Variants in LMBRD2 observed in about 807,000 individuals in gnomAD.
The protein encoded by LMBRD2 is G protein-coupled receptor-associated protein LMBRD2.
Under a neutral mutation model 94.4 loss-of-function variants are expected in LMBRD2, and 55 were observed. The ratio of observed to expected loss-of-function variants is 0.58; its 90% CI spans 0.47 to 0.73. The LOEUF (loss-of-function observed/expected upper bound fraction) is 0.73, where lower values mean the gene tolerates loss of function less well. Among genes scored for constraint, LMBRD2 ranks in the 30% least tolerant of loss-of-function variants. The pLI, the probability that LMBRD2 is intolerant of heterozygous loss-of-function variation, is 0.00. For missense variants in LMBRD2, 640 were observed against 831.9 expected (o/e 0.77, Z 2.84); for synonymous variants, 246 against 272.4 (o/e 0.90, Z 0.95).
At chr5:36,112,996 T>C (rs1743648188) in intron 13 of LMBRD2, among the ~76,000 whole-genome samples, 1 of 152,162 alleles carries the variant, frequency 6.6e-6, no homozygotes, top group Admixed American at 6.5e-5. Flanking sequence ...AATATCAGAT[T>C]TGCTATCAGT....
intron 1 of LMBRD2, among the ~76,000 whole-genome samples, chr5:36,148,682 G>A (rs1744613414): frequency 6.6e-6 from 1 of 152,188 alleles, no homozygotes; most frequent in Admixed American, 6.5e-5. Flanking sequence ...AAAAAACAGT[G>A]CAGAGAGGTT....
intron 10 of LMBRD2, among the ~76,000 whole-genome samples, chr5:36,117,041 A>C (rs571428340): frequency 7.2e-5 from 11 of 152,144 alleles, no homozygotes; most frequent in African/African-American, 1.9e-4. Flanking sequence ...AGAATTTTTT[A>C]ATCACCCACT....
intron 7 of LMBRD2, among the ~76,000 whole-genome samples, chr5:36,123,846 T>G (rs1260463436): frequency 6.6e-6 from 1 of 151,756 alleles, no homozygotes; most frequent in African/African-American, 2.4e-5. Context: ...GGCAGCTGAT[T>G]GTAAGATATT....
chr5:36,114,229 A>C (rs1358973472), intron 13 of LMBRD2, among the ~76,000 whole-genome samples, 195 bp downstream of exon 13: 1 of 152,102 alleles, frequency 6.6e-6, no homozygotes, highest in Non-Finnish European at 1.5e-5. Flanking sequence ...TAATAACTCT[A>C]CCTCTTTTTT....
Position 36,137,259 on chromosome 5 carries a change from G to A in LMBRD2, c.536+15C>T, listed in dbSNP as rs1744293384. 1 of 1,509,686 alleles carries A rather than the reference G, an allele frequency of 6.6e-7. No homozygotes were observed. Among genetic ancestry groups the A allele is most frequent in the Non-Finnish European group, 9.0e-7 (1 of 1,106,420 alleles). 93.5% of individuals were successfully genotyped at this position (1,509,686 alleles called of 1,614,324 possible). On this transcript the variant is annotated intron_variant, in intron 5 of 17. Transcript: ENST00000296603. ...ACATACATTAAAGCAATGTTAAGAA[G>A]ACTACTTTTCTTACCATTCTAAATG...
Position 36,117,503 on chromosome 5 carries a change from A to G in LMBRD2, c.1302+232T>C, listed in dbSNP as rs182742900. 2.3e-3 allele frequency among the ~76,000 whole-genome samples: 354 copies of G among 152,190 alleles called. 4 individuals are homozygous for G. Among genetic ancestry groups the G allele is most frequent in the African/African-American group, 8.1e-3 (336 of 41,528 alleles). ...TGCCTCCAAAAAAAACAGAAAGAAAAAAAAAATCTCAGATTTCTGCACTAT... is the reference window on the plus strand; with the variant it reads ...TGCCTCCAAAAAAAACAGAAAGAAAGAAAAAATCTCAGATTTCTGCACTAT... On this transcript the variant is annotated intron_variant, in intron 10 of 17. Coordinates refer to ENST00000296603, the MANE Select transcript of LMBRD2 (RefSeq NM_001007527.2).
chr5:36,116,423 T>A, intron 11 of LMBRD2, 37 bp downstream of exon 11: 2 of 1,588,372 alleles, frequency 1.3e-6, no homozygotes, highest in South Asian at 2.2e-5. Flanking sequence ...CACTCAATGA[T>A]GACATTTCTC....
At chr5:36,145,771 GAAATGCT>G (rs1334400459) in intron 1 of LMBRD2, among the ~76,000 whole-genome samples, 1 of 152,058 alleles carries the variant, frequency 6.6e-6, no homozygotes, top group Non-Finnish European at 1.5e-5. Flanking sequence ...GATTACCAAA[GAAATGCT>G]AAATAAAGCA....
rs550063195 is a variant in LMBRD2, at chr5:36,102,861, T to C, written c.*1185A>G. 1.4e-4 allele frequency: 22 copies of C among 151,822 alleles called. No individual in the cohort carries two copies. Among genetic ancestry groups the C allele is most frequent in the African/African-American group, 4.6e-4 (19 of 41,504 alleles). 9.4% of individuals were successfully genotyped at this position (151,822 alleles called of 1,614,324 possible). A position where few individuals can be genotyped will look rare whatever the true frequency, so the allele number is the denominator to read the frequency against. On this transcript the variant is annotated 3_prime_UTR_variant, in exon 18 of 18. Coordinates refer to ENST00000296603, the MANE Select transcript of LMBRD2 (RefSeq NM_001007527.2). ...TGAAGTATGGTCACCAAATGTAGCA[T>C]GGATTCAGTAAGAGTTGCAAATATT...
rs529503505 is a variant in LMBRD2 at position 36,143,458 on chromosome 5, T to G, written c.-57-52A>C. 4 of 728,700 alleles carry G rather than the reference T, an allele frequency of 5.5e-6. No individual in the cohort carries two copies. In the African/African-American group the frequency reaches 7.3e-5, roughly 13 times the overall value. 45.1% of individuals were successfully genotyped at this position (728,700 alleles called of 1,614,324 possible). On this transcript the variant is annotated intron_variant, in intron 1 of 17. Coordinates refer to ENST00000296603, the MANE Select transcript of LMBRD2 (RefSeq NM_001007527.2). ...GCATCATTAACACAGGAAATGACAT[T>G]TGGAAATTTCATCTGAATATTTATT...
At chr5:36,141,586 T>C in intron 3 of LMBRD2, among the ~76,000 whole-genome samples, 1 of 140,820 alleles carries the variant, frequency 7.1e-6, no homozygotes, top group East Asian at 2.4e-4. Context: ...ATAGGTTGGG[T>C]TTTTTTTTTT....
At chr5:36,142,459 G>A (rs111321322) in intron 3 of LMBRD2, 43 bp downstream of exon 3, 3 of 1,110,150 alleles carry the variant, frequency 2.7e-6, no homozygotes, top group African/African-American at 3.1e-5. Flanking sequence ...TAAACAATGT[G>A]TCCCCTACAA....
At position 36,103,459 on chromosome 5, in the gene LMBRD2, A is replaced by G. The variant is rs1212142725; in HGVS notation, c.*587T>C. On this transcript the variant is annotated 3_prime_UTR_variant, in exon 18 of 18. Transcript: ENST00000296603. ...ACTTGAAGTATAATCTTAATCTTAT[A>G]CATGCAAAAATCCCCCACGAGTTTG... 1.3e-5 allele frequency: 2 copies of G among 152,392 alleles called. No individual in the cohort carries two copies. Among genetic ancestry groups the G allele is most frequent in the Admixed American group, 6.6e-5 (1 of 15,218 alleles). The allele number at this position is 152,392 out of a possible 1,614,324, so 9.4% of individuals were successfully genotyped here. A position where few individuals can be genotyped will look rare whatever the true frequency, so the allele number is the denominator to read the frequency against.
At chr5:36,146,921 C>A (rs1228111245) in intron 1 of LMBRD2, among the ~76,000 whole-genome samples, 1 of 74,948 alleles carries the variant, frequency 1.3e-5, no homozygotes. Flanking sequence ...TCTCTCTCTG[C>A]GTGTGTGTGT....
intron 9 of LMBRD2, among the ~76,000 whole-genome samples, chr5:36,120,884 G>T (rs775304650): frequency 8.6e-5 from 13 of 151,752 alleles, no homozygotes; most frequent in Non-Finnish European, 1.6e-4. Context: ...TATCTCACTG[G>T]CCCCTCCTTT....
At position 36,099,171 on chromosome 5, in the gene LMBRD2, C is replaced by T. The variant is rs1299425732; in HGVS notation, c.*4875G>A. On this transcript the variant is annotated 3_prime_UTR_variant, in exon 18 of 18. Coordinates refer to ENST00000296603, the MANE Select transcript of LMBRD2 (RefSeq NM_001007527.2). ...GGACTACTGAACTTTAGAATACTGT[C>T]CTAAGGAAATAGGTCTGGGCAGAAC... The T allele has an allele frequency of 6.6e-6, 1 of 151,790 alleles. No homozygotes were observed. The highest frequency in any genetic ancestry group is 1.9e-4 in the East Asian group (1 of 5,188). The allele number at this position is 151,790 out of a possible 1,614,324, so 9.4% of individuals were successfully genotyped here. A position where few individuals can be genotyped will look rare whatever the true frequency, so the allele number is the denominator to read the frequency against.
At position 36,099,871 on chromosome 5, in the gene LMBRD2, G is replaced by A. The variant is rs1327571058; in HGVS notation, c.*4175C>T. On this transcript the variant is annotated 3_prime_UTR_variant, in exon 18 of 18. Coordinates refer to ENST00000296603, the MANE Select transcript of LMBRD2 (RefSeq NM_001007527.2). ...CAGTGAGTCCTCAATTGACCTCAAT[G>A]GACCAATGGCTTGGTACAGAAGGAA... The A allele has an allele frequency of 6.6e-6, 1 of 152,086 alleles. No individual in the cohort carries two copies. The highest frequency in any genetic ancestry group is 1.9e-4 in the East Asian group (1 of 5,196). 9.4% of individuals were successfully genotyped at this position (152,086 alleles called of 1,614,324 possible).
intron 14 of LMBRD2, among the ~76,000 whole-genome samples, chr5:36,110,905 T>C (rs1743589593): frequency 6.6e-6 from 1 of 152,080 alleles, no homozygotes; most frequent in African/African-American, 2.4e-5. Context: ...TACAAGGGTG[T>C]TATCTCGCTG....
chr5:36,098,533 A>G lies in LMBRD2; in HGVS notation c.*5513T>C, dbSNP rs1743289509. 1 of 152,120 alleles carries G rather than the reference A, an allele frequency of 6.6e-6. No individual in the cohort carries two copies. Among genetic ancestry groups the G allele is most frequent in the South Asian group, 2.1e-4 (1 of 4,836 alleles). 9.4% of individuals were successfully genotyped at this position (152,120 alleles called of 1,614,324 possible). On this transcript the variant is annotated 3_prime_UTR_variant, in exon 18 of 18. Transcript: ENST00000296603. ...CTTAATCTCAAATGAAGTAAAATAT[A>G]TAAACAATCAGCAAAATTCTTATTA...
Sources: gnomAD v4.1 joint callset for allele counts (sites outside exome capture counted in the v4.1 genomes callset) on GRCh38, gnomAD v4.1.1 for gene constraint, MANE v1.5 for transcripts, NCBI Gene and HGNC (gene_info 2026-07-23, HGNC 2026-07-21) for gene names.